The following SGSM2 variants were observed in gnomAD, a reference collection of about 807,000 sequenced individuals.
The protein encoded by SGSM2 is RUN and TBC1 domain containing 1.
Under a neutral mutation model 126.6 loss-of-function variants are expected in SGSM2, and 89 were observed. That is an observed-to-expected ratio of 0.70 (90% CI 0.59 to 0.84). The LOEUF (loss-of-function observed/expected upper bound fraction) is 0.84. Among genes scored for constraint, SGSM2 ranks in the 40% least tolerant of loss-of-function variants. The pLI is 0.00. For synonymous variants in SGSM2, 614 were observed against 574.3 expected, an observed-to-expected ratio of 1.07 and a Z score of -0.99; for missense variants, 1,404 against 1,416.6, an observed-to-expected ratio of 0.99 and a Z score of 0.14.
At position 2,352,820 on chromosome 17, in the gene SGSM2, C is replaced by G. The variant is rs1307820581; in HGVS notation, c.134-8817C>G. Among the ~76,000 whole-genome samples, 2 of 121,478 alleles carry G rather than the reference C, an allele frequency of 1.6e-5. 1 individual carries two copies. Among genetic ancestry groups the G allele is most frequent in the Non-Finnish European group, 3.3e-5 (2 of 60,786 alleles). The allele number at this position is 121,478 out of a possible 152,430, so 79.7% of individuals were successfully genotyped here. On this transcript the variant is annotated intron_variant, in intron 2 of 23. Coordinates refer to ENST00000268989, the MANE Select transcript of SGSM2 (RefSeq NM_014853.3). ...TGAGACGGAGTCTCGCTCTGTCGCC[C>G]AGGCTGGAGTGCAGTGGCGCGATCT...
chr17:2,348,548 G>A (rs2064705767), intron 2 of SGSM2, among the ~76,000 whole-genome samples: 1 of 152,152 alleles, frequency 6.6e-6, no homozygotes, highest in African/African-American at 2.4e-5. Flanking sequence ...CATTGCGGAG[G>A]GCATATGGGG....
In SGSM2 at chr17:2,362,885, C is replaced by T. The variant is rs772535618; in HGVS notation, c.506C>T (p.Pro169Leu). Reference sequence around the variant, plus strand: ...CTGCTGGCAGACCCTGTGTTCGGCCCGATCCTGGCCTCTCTTCTAGGTGAG... The same window carrying T: ...CTGCTGGCAGACCCTGTGTTCGGCCTGATCCTGGCCTCTCTTCTAGGTGAG... ...EALLADPVFGPILASLLVGPC... is the reference protein window; with the variant it reads ...EALLADPVFGLILASLLVGPC... Residue 169 changes from proline (P) to leucine (L), a missense_variant, in exon 5 of 24, where the codon CCG becomes CTG. By Grantham distance (98) the Pro-to-Leu change is moderately conservative. Transcript: ENST00000268989. This position sits in a 1 kb window ranked among gnomAD's most constrained non-coding sequence, Gnocchi z 4.9. 8 of 1,614,162 alleles carry T rather than the reference C, an allele frequency of 5.0e-6. No individual in the cohort carries two copies. The highest frequency in any genetic ancestry group is 1.7e-5 in the Admixed American group (1 of 60,026).
At position 2,379,872 on chromosome 17, in the gene SGSM2, C is replaced by T. The variant is rs1015793029; in HGVS notation, c.*352C>T. ...TGAACCTGGGGCCCCACAGGATTAA[C>T]AGGGGCTATAGCGGCCTGGGCCCTA... On this transcript the variant is annotated 3_prime_UTR_variant, in exon 24 of 24. Coordinates refer to ENST00000268989, the MANE Select transcript of SGSM2 (RefSeq NM_014853.3). The T allele has an allele frequency of 3.4e-5, 45 of 1,305,352 alleles. No individual in the cohort carries two copies. The highest frequency in any genetic ancestry group is 4.4e-5 in the Non-Finnish European group (45 of 1,021,122). The allele number at this position is 1,305,352 out of a possible 1,614,324, so 80.9% of individuals were successfully genotyped here. A position where few individuals can be genotyped will look rare whatever the true frequency, so the allele number is the denominator to read the frequency against.
Position 2,375,549 on chromosome 17 carries a change from A to C in SGSM2, c.2158A>C (p.Arg720=). The C allele has an allele frequency of 6.2e-7, 1 of 1,613,854 alleles. No homozygotes were observed. The highest frequency in any genetic ancestry group is 1.1e-5 in the South Asian group (1 of 91,082). ...PPEPQDPEDS[R]PKPEQEAGPG... is the part of the protein sequence containing the mutation. ...GGAGCCCCAGGACCCTGAAGATTCC[A>C]GACCAAAACCTGAGCAGGAAGCAGG... The change falls in exon 18 of 24, where the codon AGA becomes CGA. Residue 720 remains arginine (R), a synonymous_variant. Coordinates refer to ENST00000268989, the MANE Select transcript of SGSM2 (RefSeq NM_014853.3).
At chr17:2,369,956 A>G (rs536163634) in intron 12 of SGSM2, among the ~76,000 whole-genome samples, 2 of 152,272 alleles carry the variant, frequency 1.3e-5, no homozygotes, top group East Asian at 3.9e-4. Context: ...GAAGGGCCAG[A>G]TATCTGCAAA....
chr17:2,379,861 C>T lies in SGSM2; in HGVS notation c.*341C>T. Reference sequence around the variant, plus strand: ...CTGCCCACGAGTGAACCTGGGGCCCCACAGGATTAACAGGGGCTATAGCGG... The same window carrying T: ...CTGCCCACGAGTGAACCTGGGGCCCTACAGGATTAACAGGGGCTATAGCGG... On this transcript the variant is annotated 3_prime_UTR_variant, in exon 24 of 24. Transcript: ENST00000268989. 1.5e-6 allele frequency: 2 copies of T among 1,305,918 alleles called. No individual in the cohort carries two copies. The highest frequency in any genetic ancestry group is 2.0e-6 in the Non-Finnish European group (2 of 1,021,512). 80.9% of individuals were successfully genotyped at this position (1,305,918 alleles called of 1,614,324 possible). A position where few individuals can be genotyped will look rare whatever the true frequency, so the allele number is the denominator to read the frequency against.
At chr17:2,350,839 G>C (rs577346864) in intron 2 of SGSM2, among the ~76,000 whole-genome samples, 2 of 152,294 alleles carry the variant, frequency 1.3e-5, no homozygotes, top group African/African-American at 4.8e-5. Context: ...CACACCTTGG[G>C]ATATGCTGTT....
rs775086332 is a variant in SGSM2, at chr17:2,379,872, CAG to C, written c.*353_*354del. 97 of 1,305,352 alleles carry C rather than the reference CAG, an allele frequency of 7.4e-5. No individual in the cohort carries two copies. The African/African-American group carries it at 7.5e-4, about 10-fold the overall frequency. The allele number at this position is 1,305,352 out of a possible 1,614,324, so 80.9% of individuals were successfully genotyped here. On this transcript the variant is annotated 3_prime_UTR_variant, in exon 24 of 24. Transcript: ENST00000268989. ...TGAACCTGGGGCCCCACAGGATTAA[CAG>C]GGGCTATAGCGGCCTGGGCCCTACT...
intron 2 of SGSM2, among the ~76,000 whole-genome samples, chr17:2,353,991 C>CT (rs1444053824): frequency 8.4e-6 from 1 of 119,728 alleles, no homozygotes; most frequent in Non-Finnish European, 1.9e-5. Context: ...TCACTGCAAC[C>CT]TCCTGGGCTG....
Position 2,379,718 on chromosome 17 carries a change from G to A in SGSM2, c.*198G>A. 7.1e-7 allele frequency: 1 copy of A among 1,414,596 alleles called. No individual in the cohort carries two copies. The highest frequency in any genetic ancestry group is 1.5e-5 in the South Asian group (1 of 65,390). The allele number at this position is 1,414,596 out of a possible 1,614,324, so 87.6% of individuals were successfully genotyped here. A position where few individuals can be genotyped will look rare whatever the true frequency, so the allele number is the denominator to read the frequency against. On this transcript the variant is annotated 3_prime_UTR_variant, in exon 24 of 24. Coordinates refer to ENST00000268989, the MANE Select transcript of SGSM2 (RefSeq NM_014853.3). ...GGGGCCAGGATGCCCTCGGATCAGG[G>A]CCGGGATGGGAGGGGTCAGCCTCAG...
chr17:2,343,744 C>G, intron 2 of SGSM2, 124 bp downstream of exon 2: 1 of 796,720 alleles, frequency 1.3e-6, no homozygotes, highest in South Asian at 1.6e-5. Flanking sequence ...CCAAATCAAC[C>G]TGGAAGCTTT....
rs1276295249 is a variant in SGSM2 at position 2,380,403 on chromosome 17, A to G, written c.*883A>G. ...CCGGTCACAGCCTCCCCTCAGAGAC[A>G]GGCCTCAGTTCGAGGGCAGCCCATT... On this transcript the variant is annotated 3_prime_UTR_variant, in exon 24 of 24. Coordinates refer to ENST00000268989, the MANE Select transcript of SGSM2 (RefSeq NM_014853.3). The G allele has an allele frequency of 1.7e-6, 2 of 1,171,748 alleles. No individual in the cohort carries two copies. Among genetic ancestry groups the G allele is most frequent in the South Asian group, 1.3e-5 (1 of 76,084 alleles). 72.6% of individuals were successfully genotyped at this position (1,171,748 alleles called of 1,614,324 possible). A position where few individuals can be genotyped will look rare whatever the true frequency, so the allele number is the denominator to read the frequency against.
rs920791283 is a variant in SGSM2, at chr17:2,376,718, C to T, written c.2610-15C>T. The T allele has an allele frequency of 4.3e-6, 7 of 1,613,036 alleles. No homozygotes were observed. Among genetic ancestry groups the T allele is most frequent in the Non-Finnish European group, 5.1e-6 (6 of 1,179,402 alleles). On this transcript the variant is annotated splice_polypyrimidine_tract_variant and intron_variant, in intron 19 of 23. Coordinates refer to ENST00000268989, the MANE Select transcript of SGSM2 (RefSeq NM_014853.3). ...AATGGGGCACAGCCACAGTGACTCT[C>T]CCCCTGCCTTTCAGCTACGTGTGGG... is the stretch of plus-strand genomic sequence containing the variant.
At position 2,372,292 on chromosome 17, in the gene SGSM2, G is replaced by T; in HGVS notation, c.1642+38G>T. 1 of 1,611,154 alleles carries T rather than the reference G, an allele frequency of 6.2e-7. No individual in the cohort carries two copies. Among genetic ancestry groups the T allele is most frequent in the Non-Finnish European group, 8.5e-7 (1 of 1,178,880 alleles). ...CGCGCCGGGCTGTGGCGGGCTGGGG[G>T]CGGGCGGCCCTGGGTCCCAGCCTCC... is the stretch of plus-strand genomic sequence containing the variant. On this transcript the variant is annotated intron_variant, in intron 14 of 23. Coordinates refer to ENST00000268989, the MANE Select transcript of SGSM2 (RefSeq NM_014853.3). This position sits in a 1 kb window ranked among gnomAD's most constrained non-coding sequence, Gnocchi z 6.0.
At chr17:2,351,185 G>A (rs1298823894) in intron 2 of SGSM2, among the ~76,000 whole-genome samples, 1 of 152,072 alleles carries the variant, frequency 6.6e-6, no homozygotes, top group African/African-American at 2.4e-5. Flanking sequence ...CCTGGCAGGC[G>A]GAGATTGCAG....
At position 2,362,278 on chromosome 17, in the gene SGSM2, C is replaced by T; in HGVS notation, c.458+8C>T. 1 of 1,604,120 alleles carries T rather than the reference C, an allele frequency of 6.2e-7. No homozygotes were observed. The highest frequency in any genetic ancestry group is 1.7e-5 in the Admixed American group (1 of 57,824). ...CCTGGCGGAAAACTGCAGGTGACCG[C>T]CCCGTTCCCCAAAAACTGCAGGTGA... On this transcript the variant is annotated splice_region_variant and intron_variant, in intron 4 of 23. Transcript: ENST00000268989. This position sits in a 1 kb window ranked among gnomAD's most constrained non-coding sequence, Gnocchi z 4.9.
intron 12 of SGSM2, among the ~76,000 whole-genome samples, chr17:2,369,196 T>C (rs2065741918): frequency 6.6e-6 from 1 of 152,188 alleles, no homozygotes; most frequent in Non-Finnish European, 1.5e-5. Context: ...ATGACAACAC[T>C]GTTGAGTCCG....
chr17:2,370,275 A>C (rs937239795), intron 12 of SGSM2, among the ~76,000 whole-genome samples: 3 of 151,136 alleles, frequency 2.0e-5, no homozygotes, highest in South Asian at 2.1e-4. Flanking sequence ...TTCCTCTCTC[A>C]CTTTGCTTCA....
In SGSM2 at chr17:2,380,173, G is replaced by A. The variant is rs1019708907; in HGVS notation, c.*653G>A. On this transcript the variant is annotated 3_prime_UTR_variant, in exon 24 of 24. Coordinates refer to ENST00000268989, the MANE Select transcript of SGSM2 (RefSeq NM_014853.3). ...CTGCCACTGCCTTTGGCCACCTGAG[G>A]TGACCCCCAGGCCTCCCCGGCCTTG... The A allele has an allele frequency of 1.3e-5, 20 of 1,495,888 alleles. No individual in the cohort carries two copies. Among genetic ancestry groups the A allele is most frequent in the Non-Finnish European group, 1.6e-5 (18 of 1,123,540 alleles). The allele number at this position is 1,495,888 out of a possible 1,614,324, so 92.7% of individuals were successfully genotyped here. A position where few individuals can be genotyped will look rare whatever the true frequency, so the allele number is the denominator to read the frequency against.
Sources: gnomAD v4.1 joint callset for allele counts (sites outside exome capture counted in the v4.1 genomes callset) on GRCh38, gnomAD v4.1.1 for gene constraint, Gnocchi (gnomAD v3.1) non-coding constraint, MANE v1.5 for transcripts, NCBI Gene and HGNC (gene_info 2026-07-23, HGNC 2026-07-21) for gene names.